The following OSBPL6 variants were observed in gnomAD, a reference collection of about 807,000 sequenced individuals.
The protein encoded by OSBPL6 is oxysterol binding protein like 6.
In OSBPL6, 49 loss-of-function variants were observed where a neutral mutation model predicts 125.8. The ratio of observed to expected loss-of-function variants is 0.39; its 90% CI spans 0.31 to 0.49. The LOEUF (loss-of-function observed/expected upper bound fraction) is 0.49, where lower values mean the gene tolerates loss of function less well. Among genes scored for constraint, OSBPL6 ranks in the 20% least tolerant of loss-of-function variants. The probability of loss-of-function intolerance (pLI) is 0.88; values close to 1 mark genes in which losing one functional copy is unlikely to be tolerated. For missense variants in OSBPL6, 986 were observed against 1,135.4 expected, an observed-to-expected ratio of 0.87 and a Z score of 1.89; for synonymous variants, 394 against 391.8, an observed-to-expected ratio of 1.01 and a Z score of -0.07.
At chr2:178,352,928 C>T (rs1049653389) in intron 12 of OSBPL6, among the ~76,000 whole-genome samples, 1 of 152,196 alleles carries the variant, frequency 6.6e-6, no homozygotes, top group African/African-American at 2.4e-5. Flanking sequence ...GTTCTGCAGC[C>T]TCCACTGTTG....
intron 1 of OSBPL6, among the ~76,000 whole-genome samples, chr2:178,199,792 A>C (rs962603505): frequency 6.6e-5 from 10 of 152,138 alleles, no homozygotes; most frequent in African/African-American, 2.4e-4. Context: ...TGCCGTTTGA[A>C]ATGCTAATTA....
intron 1 of OSBPL6, among the ~76,000 whole-genome samples, chr2:178,208,928 GC>G (rs976909316): frequency 6.6e-6 from 1 of 151,748 alleles, no homozygotes; most frequent in Non-Finnish European, 1.5e-5. Flanking sequence ...TATAGTCTGG[GC>G]CTAAAATTCA....
intron 5 of OSBPL6, among the ~76,000 whole-genome samples, chr2:178,328,880 GA>G (rs1688938563): frequency 6.6e-6 from 1 of 151,950 alleles, no homozygotes; most frequent in African/African-American, 2.4e-5. Context: ...CATATGGAGG[GA>G]AAAAAATATG....
chr2:178,356,430 C>G (rs1476871503), intron 12 of OSBPL6, among the ~76,000 whole-genome samples: 3 of 152,228 alleles, frequency 2.0e-5, no homozygotes, highest in South Asian at 2.1e-4. Context: ...CACAAGCATT[C>G]CTATACACCA....
intron 1 of OSBPL6, among the ~76,000 whole-genome samples, chr2:178,245,689 A>G (rs2091462279): frequency 6.6e-6 from 1 of 152,170 alleles, no homozygotes; most frequent in Non-Finnish European, 1.5e-5. Context: ...ATAACATGTC[A>G]TCTGATCCTC....
intron 2 of OSBPL6, among the ~76,000 whole-genome samples, chr2:178,289,530 A>G (rs1178102430): frequency 6.6e-6 from 1 of 152,228 alleles, no homozygotes; most frequent in Non-Finnish European, 1.5e-5. Flanking sequence ...ATTTTCCTAC[A>G]GAACCATATT....
chr2:178,316,635 C>G (rs1300608023), intron 3 of OSBPL6, among the ~76,000 whole-genome samples: 1 of 152,082 alleles, frequency 6.6e-6, no homozygotes, highest in African/African-American at 2.4e-5. Flanking sequence ...TTGAAAATAT[C>G]CCCCCTGCTA....
At chr2:178,266,328 G>C (rs116836015) in intron 1 of OSBPL6, among the ~76,000 whole-genome samples, 1 of 152,298 alleles carries the variant, frequency 6.6e-6, no homozygotes, top group East Asian at 1.9e-4. Flanking sequence ...TTACAACTTA[G>C]AGTATGACTT....
intron 15 of OSBPL6, among the ~76,000 whole-genome samples, chr2:178,378,548 T>C (rs1251757803): frequency 2.6e-5 from 4 of 152,248 alleles, no homozygotes; most frequent in Non-Finnish European, 4.4e-5. Context: ...AACTTGTTTC[T>C]GCAATGCTGC....
At chr2:178,312,346 A>G (rs1210484333) in intron 3 of OSBPL6, among the ~76,000 whole-genome samples, 1 of 150,510 alleles carries the variant, frequency 6.6e-6, no homozygotes, top group Non-Finnish European at 1.5e-5. Context: ...TTTAGTAGAG[A>G]TGGGGTTTCA....
intron 13 of OSBPL6, among the ~76,000 whole-genome samples, chr2:178,363,517 A>G (rs1411743713): frequency 6.6e-6 from 1 of 152,196 alleles, no homozygotes; most frequent in East Asian, 1.9e-4. Flanking sequence ...ATGGTGGTGC[A>G]CATTTCCCGG....
chr2:178,294,388 GTCA>G (rs1383317660), intron 2 of OSBPL6, among the ~76,000 whole-genome samples: 14 of 152,288 alleles, frequency 9.2e-5, no homozygotes, highest in African/African-American at 2.9e-4. Context: ...GAGTGAGACA[GTCA>G]TCATCATTAC....
Position 178,336,408 on chromosome 2 carries a change from G to T in OSBPL6, c.765G>T (p.Ser255=), listed in dbSNP as rs763083631. The change falls in exon 9 of 25, where the codon TCG becomes TCT. Residue 255 remains serine, a synonymous_variant. Coordinates refer to ENST00000190611, the MANE Select transcript of OSBPL6 (RefSeq NM_032523.4). ...AAGTGGCAGCCTGGTTACAGGACTC[G>T]GAAGAGATGGACAGGTGTGCAGAAG... ...QSKVAAWLQD[S]EEMDRCAEDL... 6.2e-7 allele frequency: 1 copy of T among 1,614,040 alleles called. No homozygotes were observed. The highest frequency in any genetic ancestry group is 8.5e-7 in the Non-Finnish European group (1 of 1,179,974).
rs1559340497 is a variant in OSBPL6, at chr2:178,398,915, A to G, written c.*3356A>G. On this transcript the variant is annotated 3_prime_UTR_variant, in exon 25 of 25. Coordinates refer to ENST00000190611, the MANE Select transcript of OSBPL6 (RefSeq NM_032523.4). ...TACAGCTGTAGCTGGAGAAGAGTTT[A>G]TAATCATAAAGTACATTTTTGTTAT... 6.6e-6 allele frequency: 1 copy of G among 152,094 alleles called. No homozygotes were observed. Among genetic ancestry groups the G allele is most frequent in the African/African-American group, 2.4e-5 (1 of 41,412 alleles). 9.4% of individuals were successfully genotyped at this position (152,094 alleles called of 1,614,324 possible). A position where few individuals can be genotyped will look rare whatever the true frequency, so the allele number is the denominator to read the frequency against.
At chr2:178,350,258 A>G (rs925419236) in intron 12 of OSBPL6, among the ~76,000 whole-genome samples, 7 of 152,212 alleles carry the variant, frequency 4.6e-5, no homozygotes, top group East Asian at 1.9e-4. Context: ...AGTCCTGTCA[A>G]TGTTTAACAA....
intron 1 of OSBPL6, among the ~76,000 whole-genome samples, chr2:178,238,108 C>T (rs2091136409): frequency 6.6e-6 from 1 of 152,170 alleles, no homozygotes; most frequent in Admixed American, 6.5e-5. Context: ...GGGGTCAGCT[C>T]CTATCTCCCT....
chr2:178,246,106 C>G (rs940240437), intron 1 of OSBPL6, among the ~76,000 whole-genome samples: 2 of 152,174 alleles, frequency 1.3e-5, no homozygotes, highest in East Asian at 3.8e-4. Context: ...CTGCTCTCAC[C>G]TATCTCCACT....
intron 1 of OSBPL6, among the ~76,000 whole-genome samples, chr2:178,218,408 T>TA (rs11357721): frequency 1.5e-4 from 21 of 143,024 alleles, no homozygotes; most frequent in Admixed American, 4.2e-4. Context: ...AAAAAAAAAT[T>TA]AAAAAAAAAA....
chr2:178,331,965 T>G (rs1281081001), intron 6 of OSBPL6, among the ~76,000 whole-genome samples: 1 of 152,198 alleles, frequency 6.6e-6, no homozygotes, highest in Admixed American at 6.5e-5. Flanking sequence ...TTAAAAACTA[T>G]CTTACAAATT....
Sources: gnomAD v4.1 joint callset for allele counts (sites outside exome capture counted in the v4.1 genomes callset) on GRCh38, gnomAD v4.1.1 for gene constraint, MANE v1.5 for transcripts, NCBI Gene and HGNC (gene_info 2026-07-23, HGNC 2026-07-21) for gene names.